RGL1: variants seen among roughly 807,000 people sequenced by gnomAD.
RGL1 encodes the protein ral guanine nucleotide dissociation stimulator like 1.
A neutral mutation model predicts 95.2 loss-of-function variants in RGL1; 24 were observed. The ratio of observed to expected loss-of-function variants is 0.25; its 90% CI spans 0.18 to 0.35. The LOEUF is 0.35. Ranked by LOEUF, RGL1 falls within the 10% of genes least tolerant of loss-of-function variation. RGL1 has a pLI of 1.00. For synonymous variants in RGL1, 329 were observed against 344.9 expected (o/e 0.95, Z 0.51); for missense variants, 715 against 936.3 (o/e 0.76, Z 3.08).
chr1:183,744,202 A>G (rs911531720), intron 2 of RGL1, among the ~76,000 whole-genome samples: 1 of 152,224 alleles, frequency 6.6e-6, no homozygotes, highest in African/African-American at 2.4e-5. Context: ...TAATATTGAC[A>G]CATTATGACA....
intron 9 of RGL1, among the ~76,000 whole-genome samples, chr1:183,895,059 T>G (rs1667612855): frequency 6.6e-6 from 1 of 152,204 alleles, no homozygotes; most frequent in South Asian, 2.1e-4. Context: ...TTTTTTCGGT[T>G]GACTTTATAT....
chr1:183,841,934 A>G (rs574906875), intron 2 of RGL1, among the ~76,000 whole-genome samples: 170 of 152,314 alleles, frequency 1.1e-3, no homozygotes, highest in African/African-American at 4.0e-3. Context: ...AATGGTAAGT[A>G]TAGTGGGAAT....
chr1:183,863,765 G>A (rs973577608), intron 3 of RGL1, among the ~76,000 whole-genome samples: 13 of 152,166 alleles, frequency 8.5e-5, no homozygotes, highest in African/African-American at 2.7e-4. Flanking sequence ...CAACTGGATC[G>A]TGTGCTCTGC....
intron 1 of RGL1, chr1:183,647,566 G>T: frequency 6.9e-7 from 1 of 1,440,176 alleles, no homozygotes; most frequent in Non-Finnish European, 9.2e-7. Flanking sequence ...TGCTTTTAGT[G>T]CATCAGTTTA....
intron 2 of RGL1, among the ~76,000 whole-genome samples, chr1:183,795,680 A>T (rs1045738387): frequency 6.6e-6 from 1 of 152,224 alleles, no homozygotes; most frequent in Non-Finnish European, 1.5e-5. Flanking sequence ...AGCAATGAGG[A>T]GCCACTGGAG....
chr1:183,823,347 A>C (rs1662625730), intron 2 of RGL1, among the ~76,000 whole-genome samples: 1 of 152,110 alleles, frequency 6.6e-6, no homozygotes, highest in African/African-American at 2.4e-5. Flanking sequence ...CATTTAAAAA[A>C]TTAAATATAG....
At position 183,880,802 on chromosome 1, in the gene RGL1, T is replaced by C; in HGVS notation, c.610+2T>C. The C allele has an allele frequency of 6.2e-7, 1 of 1,613,196 alleles. No individual in the cohort carries two copies. Among genetic ancestry groups the C allele is most frequent in the Non-Finnish European group, 8.5e-7 (1 of 1,179,396 alleles). ...AGAAGCAAGAAGTGGAAACTGACAG[T>C]GAGTACTTGTTTGTTCCCAGGGAAA... On this transcript the variant is annotated splice_donor_variant, in intron 5 of 17. Transcript: ENST00000360851. LOFTEE classifies it high-confidence loss of function.
At chr1:183,849,981 G>T (rs1205398545) in intron 3 of RGL1, among the ~76,000 whole-genome samples, 2 of 152,082 alleles carry the variant, frequency 1.3e-5, no homozygotes, top group Non-Finnish European at 2.9e-5. Context: ...CAGAAAACGG[G>T]AATGCCTATT....
chr1:183,810,530 A>G (rs188271117), intron 2 of RGL1, among the ~76,000 whole-genome samples: 8 of 152,290 alleles, frequency 5.3e-5, no homozygotes, highest in Admixed American at 4.6e-4. Context: ...AGTCTGGTAA[A>G]GAGAGGGAAA....
intron 1 of RGL1, among the ~76,000 whole-genome samples, chr1:183,690,733 A>T (rs1260663628): frequency 2.1e-5 from 1 of 48,478 alleles, no homozygotes; most frequent in East Asian, 3.3e-3. Context: ...GGTACTTATA[A>T]AAAAAAAAAA....
intron 2 of RGL1, among the ~76,000 whole-genome samples, chr1:183,822,220 G>A (rs1250498604): frequency 1.3e-5 from 2 of 151,988 alleles, no homozygotes; most frequent in Admixed American, 6.6e-5. Context: ...AAAATATCTG[G>A]CAGGCAAGAG....
chr1:183,697,446 C>T (rs756461051), intron 1 of RGL1, among the ~76,000 whole-genome samples: 1 of 152,176 alleles, frequency 6.6e-6, no homozygotes, highest in Non-Finnish European at 1.5e-5. Flanking sequence ...ATCTTGTCCA[C>T]TACTATATGC....
intron 1 of RGL1, among the ~76,000 whole-genome samples, chr1:183,704,631 G>T (rs1654795864): frequency 6.6e-6 from 1 of 152,164 alleles, no homozygotes; most frequent in Admixed American, 6.5e-5. Flanking sequence ...AGTGCGTAGG[G>T]TCTTGGGTGG....
chr1:183,901,221 C>G (rs1340524902), intron 11 of RGL1, among the ~76,000 whole-genome samples: 1 of 152,134 alleles, frequency 6.6e-6, no homozygotes, highest in Non-Finnish European at 1.5e-5. Flanking sequence ...ATTGCTTGAA[C>G]CCGAGAGGCG....
intron 1 of RGL1, among the ~76,000 whole-genome samples, chr1:183,662,317 G>C (rs1002477342): frequency 6.6e-6 from 1 of 151,508 alleles, no homozygotes; most frequent in African/African-American, 2.4e-5. Flanking sequence ...AAACCCCATT[G>C]TCTCAGCCCA....
intron 2 of RGL1, among the ~76,000 whole-genome samples, chr1:183,754,175 A>T (rs1658197284): frequency 6.6e-6 from 1 of 152,118 alleles, no homozygotes. Context: ...CCTCAGCATC[A>T]TATATAAAGA....
chr1:183,730,227 C>T (rs759219897), intron 1 of RGL1, among the ~76,000 whole-genome samples: 4 of 152,138 alleles, frequency 2.6e-5, no homozygotes, highest in Non-Finnish European at 4.4e-5. Flanking sequence ...AGTATAAAGC[C>T]TGTTCCATAT....
intron 4 of RGL1, among the ~76,000 whole-genome samples, chr1:183,878,150 T>TCTA (rs1558266355): frequency 0.056 from 6,259 of 111,582 alleles, 152 homozygotes; most frequent in East Asian, 0.073. Flanking sequence ...TTGATTTTCT[T>TCTA]TCTATCTATC....
intron 1 of RGL1, among the ~76,000 whole-genome samples, chr1:183,711,202 A>G (rs1249996833): frequency 6.6e-6 from 1 of 152,218 alleles, no homozygotes. Flanking sequence ...TGCAAAGGGT[A>G]GCCTGCTGCA....
Sources: gnomAD v4.1 joint callset for allele counts (sites outside exome capture counted in the v4.1 genomes callset) on GRCh38, gnomAD v4.1.1 for gene constraint, MANE v1.5 for transcripts, NCBI Gene and HGNC (gene_info 2026-07-23, HGNC 2026-07-21) for gene names.